NAT10: variants seen among roughly 807,000 people sequenced by gnomAD.
NAT10 encodes RNA cytidine acetyltransferase.
In NAT10, 109 loss-of-function variants were observed where a neutral mutation model predicts 132.2. The observed-to-expected ratio is 0.82, with a 90% CI of 0.71 to 0.97. NAT10 has a LOEUF of 0.97. Among genes scored for constraint, NAT10 ranks in the 50% least tolerant of loss-of-function variants. The probability of loss-of-function intolerance (pLI) is 0.00; values close to 1 mark genes in which losing one functional copy is unlikely to be tolerated. For synonymous variants in NAT10, 479 were observed against 478.0 expected (o/e 1.00, Z -0.03); for missense variants, 1,184 against 1,263.4 (o/e 0.94, Z 0.95).
At chr11:34,125,828 G>T (rs949292001) in intron 11 of NAT10, among the ~76,000 whole-genome samples, 1 of 152,136 alleles carries the variant, frequency 6.6e-6, no homozygotes, top group Admixed American at 6.5e-5. Flanking sequence ...GCCAGGCGTG[G>T]TGGCATGCGC....
chr11:34,118,420 C>G lies in NAT10; in HGVS notation c.697C>G (p.Leu233Val). ...GGATGAGAGTCTTGGTCCTTCTGAT[C>G]TGGAGCTGAGGGAGTTGAAGGAGAG... ...TPDESLGPSD[L>V]ELRELKESLQ... The change falls in exon 8 of 29, where the codon CTG becomes GTG. Residue 233 changes from leucine to valine, a missense_variant. By Grantham distance (32) the Leu-to-Val change is conservative. Transcript: ENST00000257829. The G allele has an allele frequency of 1.2e-6, 2 of 1,614,128 alleles. No individual in the cohort carries two copies. Among genetic ancestry groups the G allele is most frequent in the Non-Finnish European group, 8.5e-7 (1 of 1,180,008 alleles).
intron 19 of NAT10, 99 bp downstream of exon 19, chr11:34,135,390 C>A (rs2132972375): frequency 1.1e-6 from 1 of 904,410 alleles, no homozygotes; most frequent in Non-Finnish European, 1.8e-6. Flanking sequence ...GAGCTTTGGA[C>A]CCCTCTCTCA....
intron 11 of NAT10, among the ~76,000 whole-genome samples, chr11:34,126,354 A>C (rs913690384): frequency 6.6e-6 from 1 of 152,192 alleles, no homozygotes; most frequent in African/African-American, 2.4e-5. Context: ...TTATCTGTCC[A>C]TAAGTGGAAA....
intron 12 of NAT10, among the ~76,000 whole-genome samples, chr11:34,128,362 C>CAAAAAAA (rs914837839): frequency 7.4e-5 from 5 of 67,232 alleles, no homozygotes; most frequent in Non-Finnish European, 1.7e-4. Flanking sequence ...AAAAACAAAA[C>CAAAAAAA]AAAAAAAAAA....
At chr11:34,145,214 A>G (rs1590195300) in intron 28 of NAT10, among the ~76,000 whole-genome samples, 1 of 152,204 alleles carries the variant, frequency 6.6e-6, no homozygotes, top group Non-Finnish European at 1.5e-5. Context: ...TTGTTTGGCC[A>G]TTGCTGGTAG....
intron 3 of NAT10, among the ~76,000 whole-genome samples, chr11:34,109,642 A>G (rs540317648): frequency 1.3e-5 from 2 of 152,350 alleles, no homozygotes; most frequent in African/African-American, 4.8e-5. Flanking sequence ...ACTTTTAGTC[A>G]TAGATAACAT....
At chr11:34,108,964 C>A in intron 3 of NAT10, 131 bp downstream of exon 3, 1 of 690,650 alleles carries the variant, frequency 1.4e-6, no homozygotes, top group Non-Finnish European at 2.4e-6. Context: ...ACAAATGGAG[C>A]TGATATCCTT....
At position 34,109,416 on chromosome 11, in the gene NAT10, T is replaced by TA. The variant is rs1300548853; in HGVS notation, c.200+587dup. ...CCCCGATTTTTATTGCCATATACCT[T>TA]AAAACAGAAATCTTTTGCACTTAGT... On this transcript the variant is annotated intron_variant, in intron 3 of 28. Coordinates refer to ENST00000257829, the MANE Select transcript of NAT10 (RefSeq NM_024662.3). Among the ~76,000 whole-genome samples the TA allele has an allele frequency of 2.6e-5, 4 of 152,372 alleles. No individual in the cohort carries two copies. In the East Asian group the frequency reaches 7.7e-4, roughly 29 times the overall value.
intron 4 of NAT10, 68 bp from the exon 5 acceptor site, chr11:34,113,636 CAAAAAAAAAAAA>C (rs34445882): frequency 1.2e-5 from 11 of 906,880 alleles, no homozygotes; most frequent in East Asian, 4.6e-5. Flanking sequence ...GACTCCATCT[CAAAAAAAAAAAA>C]AAAAAAAAAA....
At chr11:34,144,946 C>T (rs1214584655) in intron 28 of NAT10, among the ~76,000 whole-genome samples, 1 of 152,258 alleles carries the variant, frequency 6.6e-6, no homozygotes, top group Non-Finnish European at 1.5e-5. Context: ...TCCAGAGTCT[C>T]CGTTAGTCAC....
intron 10 of NAT10, 85 bp downstream of exon 10, chr11:34,123,940 C>A (rs573845209): frequency 4.8e-6 from 5 of 1,048,890 alleles, no homozygotes; most frequent in African/African-American, 1.6e-5. Context: ...GAGGCCGACG[C>A]GGGCGGATCA....
chr11:34,144,430 C>T (rs1055785987), intron 28 of NAT10, among the ~76,000 whole-genome samples: 1 of 152,140 alleles, frequency 6.6e-6, no homozygotes, highest in Non-Finnish European at 1.5e-5. Context: ...TTTTGCAAAT[C>T]TCTTCAATAT....
At position 34,108,787 on chromosome 11, in the gene NAT10, C is replaced by T. The variant is rs552744350; in HGVS notation, c.154C>T (p.Arg52Trp). The part of the protein sequence containing the change: ...HMLSKATVKA[R>W]PSVLWCYKKE... ...GTTATCCAAAGCAACTGTGAAGGCT[C>T]GGCCTTCAGTGCTGTGGTGTTATAA... Residue 52 changes from arginine (R) to tryptophan (W), a missense_variant, in exon 3 of 29, where the codon CGG becomes TGG. Arg to Trp is a moderately radical substitution (Grantham distance 101, BLOSUM62 -3). Coordinates refer to ENST00000257829, the MANE Select transcript of NAT10 (RefSeq NM_024662.3). The T allele has an allele frequency of 1.7e-5, 28 of 1,613,834 alleles. No homozygotes were observed. The Admixed American group carries it at 2.0e-4, about 12-fold the overall frequency.
intron 14 of NAT10, 140 bp downstream of exon 14, chr11:34,131,671 T>TA: frequency 2.2e-6 from 2 of 910,824 alleles, no homozygotes; most frequent in Non-Finnish European, 3.0e-6. Context: ...CTTTTTCTCT[T>TA]CCTTTTTTTT....
intron 21 of NAT10, 194 bp from the exon 22 acceptor site, chr11:34,138,997 G>C: frequency 1.7e-6 from 1 of 577,060 alleles, no homozygotes; most frequent in Admixed American, 3.0e-5. Flanking sequence ...TGCAGCTGTT[G>C]TGTGTGAACT....
At chr11:34,108,538 C>G in intron 2 of NAT10, among the ~76,000 whole-genome samples, 1 of 152,104 alleles carries the variant, frequency 6.6e-6, no homozygotes, top group African/African-American at 2.4e-5. Context: ...CCTTTTGAAG[C>G]CTGGGGTGGT....
Position 34,118,383 on chromosome 11 carries a change from C to T in NAT10, c.673-13C>T, listed in dbSNP as rs1292357336. ...GACAGTGACAGACCTTCCCCTTCTC[C>T]TCTCTCTGGTAGGATGAGAGTCTTG... is the stretch of plus-strand genomic sequence containing the variant. On this transcript the variant is annotated splice_polypyrimidine_tract_variant and intron_variant, in intron 7 of 28. Coordinates refer to ENST00000257829, the MANE Select transcript of NAT10 (RefSeq NM_024662.3). 2 of 1,613,306 alleles carry T rather than the reference C, an allele frequency of 1.2e-6. No homozygotes were observed. Among genetic ancestry groups the T allele is most frequent in the Non-Finnish European group, 8.5e-7 (1 of 1,179,358 alleles).
chr11:34,130,803 T>G lies in NAT10; in HGVS notation c.1245-10T>G, dbSNP rs1427102215. 1 of 1,613,868 alleles carries G rather than the reference T, an allele frequency of 6.2e-7. No individual in the cohort carries two copies. Among genetic ancestry groups the G allele is most frequent in the East Asian group, 2.2e-5 (1 of 44,870 alleles). ...ACCTTGTGCCTGATTCCTTTTGCCT[T>G]TGTTTCTAGCTATGAGGGCACTGGC... On this transcript the variant is annotated splice_polypyrimidine_tract_variant and intron_variant, in intron 12 of 28. Coordinates refer to ENST00000257829, the MANE Select transcript of NAT10 (RefSeq NM_024662.3).
intron 27 of NAT10, 48 bp from the exon 28 acceptor site, chr11:34,143,397 T>A (rs557662845): frequency 1.3e-6 from 2 of 1,503,780 alleles, no homozygotes; most frequent in East Asian, 4.5e-5. Context: ...TCTTAAGCAG[T>A]CCCCTCTTCT....
Sources: allele counts gnomAD v4.1 joint callset (sites outside exome capture counted in the v4.1 genomes callset), GRCh38; gene constraint gnomAD v4.1.1; transcripts MANE v1.5; gene names NCBI Gene and HGNC (gene_info 2026-07-23, HGNC 2026-07-21).